The following PTER variants were observed in gnomAD, a reference collection of about 807,000 sequenced individuals.
PTER encodes phosphotriesterase related.
PTER carries 38 observed loss-of-function variants against 29.6 expected under a neutral mutation model. That is an observed-to-expected ratio of 1.28 (90% CI 0.99 to 1.68). The LOEUF (loss-of-function observed/expected upper bound fraction) is 1.68, where lower values mean the gene tolerates loss of function less well. Ranked by LOEUF, PTER falls within the 40% of genes most tolerant of loss-of-function variation. The probability of loss-of-function intolerance (pLI) is 0.00; values close to 1 mark genes in which losing one functional copy is unlikely to be tolerated. For missense variants in PTER, 482 were observed against 427.8 expected (o/e 1.13, Z -1.12); for synonymous variants, 172 against 154.5 (o/e 1.11, Z -0.84).
intron 1 of PTER, among the ~76,000 whole-genome samples, chr10:16,440,674 T>G (rs951328531): frequency 1.3e-5 from 2 of 152,186 alleles, no homozygotes; most frequent in Non-Finnish European, 2.9e-5. Flanking sequence ...CAGTGAAAGA[T>G]TTGTCACAAT....
intron 1 of PTER, among the ~76,000 whole-genome samples, chr10:16,453,162 G>A (rs7086317): frequency 6.6e-6 from 1 of 151,882 alleles, no homozygotes; most frequent in Non-Finnish European, 1.5e-5. Flanking sequence ...GTGATTCTTC[G>A]GCCTCAGCCT....
chr10:16,463,520 A>G (rs930444658), intron 1 of PTER, among the ~76,000 whole-genome samples: 4 of 152,108 alleles, frequency 2.6e-5, no homozygotes, highest in African/African-American at 9.7e-5. Context: ...GGTTCAAGCA[A>G]TTCTCCTGCC....
intron 1 of PTER, among the ~76,000 whole-genome samples, chr10:16,477,538 T>C (rs1287313990): frequency 6.6e-6 from 1 of 152,160 alleles, no homozygotes; most frequent in Admixed American, 6.5e-5. Flanking sequence ...TAGTGATCTA[T>C]AGGTGGTCAG....
intron 4 of PTER, among the ~76,000 whole-genome samples, chr10:16,506,453 G>C (rs955526331): frequency 1.1e-4 from 16 of 152,166 alleles, no homozygotes; most frequent in Non-Finnish European, 2.2e-4. Flanking sequence ...CTATAGAATT[G>C]ACATGAAATA....
intron 1 of PTER, among the ~76,000 whole-genome samples, chr10:16,470,340 T>C (rs1237477357): frequency 6.6e-6 from 1 of 152,264 alleles, no homozygotes; most frequent in African/African-American, 2.4e-5. Flanking sequence ...ACAGGACTCT[T>C]ATCTATCTTT....
intron 3 of PTER, among the ~76,000 whole-genome samples, chr10:16,495,355 A>C (rs1836056013): frequency 6.6e-6 from 1 of 152,096 alleles, no homozygotes; most frequent in African/African-American, 2.4e-5. Context: ...TTTTTAGTAG[A>C]GACGAGGTTT....
chr10:16,516,571 T>C (rs549636978), downstream of PTER, among the ~76,000 whole-genome samples: 214 of 152,326 alleles, frequency 1.4e-3, 1 homozygote, highest in Non-Finnish European at 2.7e-3. Context: ...TATTCAGTGC[T>C]TTGGGTATTT....
At position 16,484,739 on chromosome 10, in the gene PTER, G is replaced by A. The variant is rs767872311; in HGVS notation, c.355G>A (p.Val119Ile). ...TLKRLAEETG[V>I]HIISGAGFYV... Reference sequence around the variant, plus strand: ...GAAGAGGCTTGCAGAAGAGACTGGCGTCCATATCATATCTGGAGCCGGGTT... The same window carrying A: ...GAAGAGGCTTGCAGAAGAGACTGGCATCCATATCATATCTGGAGCCGGGTT... The change falls in exon 2 of 5, where the codon GTC becomes ATC. Residue 119 changes from valine (V) to isoleucine (I), a missense_variant. Val to Ile is a conservative substitution (Grantham distance 29). Coordinates refer to ENST00000535784, the MANE Select transcript of PTER (RefSeq NM_001261836.2). 46 of 1,613,842 alleles carry A rather than the reference G, an allele frequency of 2.9e-5. No individual in the cohort carries two copies. The highest frequency in any genetic ancestry group is 3.3e-5 in the Admixed American group (2 of 59,956).
intron 3 of PTER, among the ~76,000 whole-genome samples, chr10:16,495,221 A>G (rs901699013): frequency 1.4e-5 from 2 of 139,866 alleles, no homozygotes; most frequent in Non-Finnish European, 3.0e-5. Context: ...CCCAGGCTGG[A>G]GTGCAGTGGC....
chr10:16,467,058 T>G (rs1387006839), intron 1 of PTER, among the ~76,000 whole-genome samples: 11 of 152,182 alleles, frequency 7.2e-5, no homozygotes, highest in Admixed American at 6.5e-4. Context: ...TTGCTGTTAT[T>G]TTTTTATATG....
At chr10:16,509,000 C>T (rs898407838) in intron 4 of PTER, among the ~76,000 whole-genome samples, 1 of 152,242 alleles carries the variant, frequency 6.6e-6, no homozygotes, top group Non-Finnish European at 1.5e-5. Flanking sequence ...CACCTGTTTT[C>T]AATCTTCTGC....
chr10:16,515,404 C>T (rs1588640212), downstream of PTER, among the ~76,000 whole-genome samples: 2 of 152,178 alleles, frequency 1.3e-5, no homozygotes, highest in East Asian at 3.9e-4. Context: ...ATGACATGTG[C>T]ATTTAAATCA....
At chr10:16,503,788 C>T (rs11254035) in intron 3 of PTER, among the ~76,000 whole-genome samples, 9 of 152,132 alleles carry the variant, frequency 5.9e-5, no homozygotes, top group African/African-American at 2.2e-4. Flanking sequence ...GATTCACCCA[C>T]CTCGGCCTCA....
chr10:16,464,558 G>A (rs1834738705), intron 1 of PTER, among the ~76,000 whole-genome samples: 1 of 152,172 alleles, frequency 6.6e-6, no homozygotes, highest in African/African-American at 2.4e-5. Context: ...TCGCCCTTAT[G>A]TAGTTCTCAT....
Position 16,511,407 on chromosome 10 carries a change from G to C in PTER, c.*151G>C. ...AACTAGGAGGGTTTGCCTTCTCTGAGACCAGCTATTACAACTGTGCCTCTA... is the reference window on the plus strand; with the variant it reads ...AACTAGGAGGGTTTGCCTTCTCTGACACCAGCTATTACAACTGTGCCTCTA... On this transcript the variant is annotated 3_prime_UTR_variant, in exon 5 of 5. Transcript: ENST00000535784. 1 of 695,782 alleles carries C rather than the reference G, an allele frequency of 1.4e-6. No individual in the cohort carries two copies. The highest frequency in any genetic ancestry group is 2.4e-6 in the Non-Finnish European group (1 of 409,950). 43.1% of individuals were successfully genotyped at this position (695,782 alleles called of 1,614,324 possible). A position where few individuals can be genotyped will look rare whatever the true frequency, so the allele number is the denominator to read the frequency against.
At chr10:16,478,623 C>T (rs1381056433) in intron 1 of PTER, among the ~76,000 whole-genome samples, 2 of 151,612 alleles carry the variant, frequency 1.3e-5, no homozygotes, top group African/African-American at 2.4e-5. Context: ...CTTGAGCCAC[C>T]GTGCCCAGCC....
intron 3 of PTER, among the ~76,000 whole-genome samples, chr10:16,491,922 T>TCATG (rs767622838): frequency 1.3e-5 from 2 of 151,802 alleles, no homozygotes; most frequent in Non-Finnish European, 2.9e-5. Flanking sequence ...TCATTAGGAT[T>TCATG]CATGCATTTG....
chr10:16,491,340 G>T (rs549491653), intron 3 of PTER, among the ~76,000 whole-genome samples: 1 of 152,302 alleles, frequency 6.6e-6, no homozygotes, highest in Non-Finnish European at 1.5e-5. Context: ...AATAATCAGG[G>T]AGGCAGATGC....
chr10:16,486,175 G>T, intron 2 of PTER, among the ~76,000 whole-genome samples, 177 bp from the exon 3 acceptor site: 1 of 152,128 alleles, frequency 6.6e-6, no homozygotes, highest in East Asian at 1.9e-4. Context: ...GCAACTTGTT[G>T]ATTTTTGATT....
Sources: allele counts gnomAD v4.1 joint callset (sites outside exome capture counted in the v4.1 genomes callset), GRCh38; gene constraint gnomAD v4.1.1; transcripts MANE v1.5; gene names NCBI Gene and HGNC (gene_info 2026-07-23, HGNC 2026-07-21).